Variants in ZDHHC18 observed in about 807,000 individuals in gnomAD.
ZDHHC18 encodes the protein palmitoyltransferase ZDHHC18.
Under a neutral mutation model 37.5 loss-of-function variants are expected in ZDHHC18, and 23 were observed. The observed-to-expected ratio is 0.61, with a 90% CI of 0.44 to 0.87. The LOEUF (loss-of-function observed/expected upper bound fraction) is 0.87. Among genes scored for constraint, ZDHHC18 ranks in the 40% least tolerant of loss-of-function variants. The pLI, the probability that ZDHHC18 is intolerant of heterozygous loss-of-function variation, is 0.00. For synonymous variants in ZDHHC18, 185 were observed against 218.7 expected (o/e 0.85, Z 1.36); for missense variants, 406 against 525.6 (o/e 0.77, Z 2.22).
chr1:26,840,875 G>A (rs1046185118), intron 2 of ZDHHC18, among the ~76,000 whole-genome samples: 4 of 150,192 alleles, frequency 2.7e-5, no homozygotes, highest in Non-Finnish European at 5.9e-5. Flanking sequence ...CCCTTCAACT[G>A]TAGTAGTTAT....
chr1:26,840,882 T>C (rs1379222351), intron 2 of ZDHHC18, among the ~76,000 whole-genome samples: 1 of 151,520 alleles, frequency 6.6e-6, no homozygotes, highest in Non-Finnish European at 1.5e-5. Context: ...ACTGTAGTAG[T>C]TATCTCTCTT....
At chr1:26,838,221 C>G (rs2081622366) in intron 2 of ZDHHC18, among the ~76,000 whole-genome samples, 1 of 151,966 alleles carries the variant, frequency 6.6e-6, no homozygotes. Flanking sequence ...TCTCAAACTC[C>G]CGACCTCCGG....
In ZDHHC18 at chr1:26,832,439, C is replaced by A; in HGVS notation, c.336-8C>A. 1.9e-6 allele frequency: 3 copies of A among 1,613,974 alleles called. No individual in the cohort carries two copies. Among genetic ancestry groups the A allele is most frequent in the Non-Finnish European group, 1.7e-6 (2 of 1,179,906 alleles). On this transcript the variant is annotated splice_polypyrimidine_tract_variant and splice_region_variant and intron_variant, in intron 1 of 7. Transcript: ENST00000374142. ...TGTCTGCTGATCTCTCTCCATCTCT[C>A]GTTCTAGCTGTCCCTACCTGGCTCG...
Sources: gnomAD v4.1 joint callset for allele counts (sites outside exome capture counted in the v4.1 genomes callset) on GRCh38, gnomAD v4.1.1 for gene constraint, MANE v1.5 for transcripts, NCBI Gene and HGNC (gene_info 2026-07-23, HGNC 2026-07-21) for gene names.